Variants in HMGCLL1 observed in about 807,000 individuals in gnomAD.
HMGCLL1 encodes 3-hydroxymethyl-3-methylglutaryl-CoA lyase, cytoplasmic.
A neutral mutation model predicts 39.1 loss-of-function variants in HMGCLL1; 36 were observed. The observed-to-expected ratio is 0.92, with a 90% CI of 0.71 to 1.22. The LOEUF is 1.22. Ranked by LOEUF, HMGCLL1 falls within the 50% of genes most tolerant of loss-of-function variation. The pLI is 0.00. For synonymous variants in HMGCLL1, 149 were observed against 144.0 expected, an observed-to-expected ratio of 1.03 and a Z score of -0.25; for missense variants, 451 against 416.5, an observed-to-expected ratio of 1.08 and a Z score of -0.72.
chr6:55,461,178 AT>A (rs1344161630), intron 7 of HMGCLL1, among the ~76,000 whole-genome samples: 1 of 151,618 alleles, frequency 6.6e-6, no homozygotes. Context: ...TCTACTATTT[AT>A]TTTTTTTAGT....
At chr6:55,671,373 A>C in the HMGCLL1 span, among the ~76,000 whole-genome samples, 3 of 151,968 alleles carry the variant, frequency 2.0e-5, no homozygotes, top group South Asian at 6.2e-4. Context: ...CAGAAACGTG[A>C]GGTAATAAAT....
chr6:55,480,652 A>T (rs1765692796), intron 7 of HMGCLL1, among the ~76,000 whole-genome samples: 1 of 151,718 alleles, frequency 6.6e-6, no homozygotes, highest in Admixed American at 6.6e-5. Context: ...AAAATAAAGG[A>T]AATTAGTATA....
chr6:55,658,471 G>C, the HMGCLL1 span, among the ~76,000 whole-genome samples: 2 of 151,914 alleles, frequency 1.3e-5, no homozygotes, highest in African/African-American at 4.8e-5. Flanking sequence ...TGTGGGGCTT[G>C]GGCTTCTGTC....
intron 1 of HMGCLL1, chr6:55,577,111 G>A (rs766388144): frequency 1.2e-6 from 2 of 1,612,688 alleles, no homozygotes; most frequent in African/African-American, 1.3e-5. Flanking sequence ...CTGCCAAGGA[G>A]ACTGAGAAGC....
At chr6:55,452,062 G>A in intron 7 of HMGCLL1, among the ~76,000 whole-genome samples, 1 of 152,142 alleles carries the variant, frequency 6.6e-6, no homozygotes, top group East Asian at 1.9e-4. Flanking sequence ...AATACTGTAT[G>A]TAATATCAAG....
the HMGCLL1 span, among the ~76,000 whole-genome samples, chr6:55,605,461 ATT>A: frequency 6.6e-6 from 1 of 152,182 alleles, no homozygotes; most frequent in Non-Finnish European, 1.5e-5. Flanking sequence ...TATGTTACAC[ATT>A]TCTAATTACT....
chr6:55,566,524 C>T (rs542633521), intron 1 of HMGCLL1: 22 of 443,270 alleles, frequency 5.0e-5, no homozygotes, highest in East Asian at 4.9e-4. Flanking sequence ...AAAAAGAGCC[C>T]GAACACTGAA....
chr6:55,605,210 C>A, the HMGCLL1 span, among the ~76,000 whole-genome samples: 1 of 152,120 alleles, frequency 6.6e-6, no homozygotes. Flanking sequence ...CTGGTCATTC[C>A]ATTTAAGATG....
intron 1 of HMGCLL1, among the ~76,000 whole-genome samples, chr6:55,556,447 G>C (rs1770671357): frequency 6.6e-6 from 1 of 152,062 alleles, no homozygotes; most frequent in Non-Finnish European, 1.5e-5. Flanking sequence ...AGGGAAATGT[G>C]CCCAGGGTGT....
intron 3 of HMGCLL1, among the ~76,000 whole-genome samples, chr6:55,531,782 G>C (rs1581906983): frequency 6.6e-6 from 1 of 152,100 alleles, no homozygotes; most frequent in African/African-American, 2.4e-5. Context: ...TTTCATAGGA[G>C]TGCATGCAAG....
chr6:55,595,562 C>T, the HMGCLL1 span, among the ~76,000 whole-genome samples: 15 of 152,144 alleles, frequency 9.9e-5, no homozygotes, highest in African/African-American at 3.6e-4. Flanking sequence ...AAAAATCTGA[C>T]TTTATTGTGA....
intron 4 of HMGCLL1, 57 bp from the exon 5 acceptor site, chr6:55,514,253 T>C: frequency 7.3e-7 from 1 of 1,365,718 alleles, no homozygotes; most frequent in Non-Finnish European, 1.0e-6. Flanking sequence ...TGAATGACAG[T>C]GGTAGAATAA....
chr6:55,645,594 A>C, the HMGCLL1 span, among the ~76,000 whole-genome samples: 1 of 151,824 alleles, frequency 6.6e-6, no homozygotes. Flanking sequence ...TTTTCTGAGA[A>C]GTTTTAACAG....
chr6:55,474,256 C>A (rs1272114636), intron 7 of HMGCLL1, among the ~76,000 whole-genome samples: 1 of 151,468 alleles, frequency 6.6e-6, no homozygotes, highest in African/African-American at 2.4e-5. Context: ...CATAATGGAT[C>A]TCTACAGAGC....
At chr6:55,520,470 T>C (rs1263976196) in intron 3 of HMGCLL1, among the ~76,000 whole-genome samples, 1 of 151,946 alleles carries the variant, frequency 6.6e-6, no homozygotes, top group Non-Finnish European at 1.5e-5. Flanking sequence ...ATAATAGTAT[T>C]CTGTCTTAAT....
At chr6:55,543,222 A>T (rs866486496) in intron 1 of HMGCLL1, among the ~76,000 whole-genome samples, 476 of 7,790 alleles carry the variant, frequency 0.061, 99 homozygotes, top group African/African-American at 0.11. Context: ...ATATTATATA[A>T]TATATAATAT....
chr6:55,656,491 T>G, the HMGCLL1 span, among the ~76,000 whole-genome samples: 1 of 151,902 alleles, frequency 6.6e-6, no homozygotes. Flanking sequence ...TTAACAGGCC[T>G]GGCCACTTAA....
chr6:55,539,081 C>A (rs969221693), intron 3 of HMGCLL1, among the ~76,000 whole-genome samples: 3 of 152,078 alleles, frequency 2.0e-5, no homozygotes, highest in African/African-American at 7.3e-5. Context: ...TAAGCAAGTA[C>A]AGGTAAAGTG....
intron 1 of HMGCLL1, among the ~76,000 whole-genome samples, chr6:55,577,645 G>A (rs1258245721): frequency 6.6e-6 from 1 of 152,074 alleles, no homozygotes; most frequent in Non-Finnish European, 1.5e-5. Flanking sequence ...TAAAGAGGGA[G>A]AGAGAAATAT....
Sources: allele counts gnomAD v4.1 joint callset (sites outside exome capture counted in the v4.1 genomes callset), GRCh38; gene constraint gnomAD v4.1.1; transcripts MANE v1.5; gene names NCBI Gene and HGNC (gene_info 2026-07-23, HGNC 2026-07-21).